The following SV2B variants were observed in gnomAD, a reference collection of about 807,000 sequenced individuals.
SV2B encodes solute carrier family 22 member B2.
In SV2B, 41 loss-of-function variants were observed where a neutral mutation model predicts 73.9. The observed-to-expected ratio is 0.56, with a 90% CI of 0.43 to 0.72. The LOEUF is 0.72. Ranked by LOEUF, SV2B falls within the 30% of genes least tolerant of loss-of-function variation. The pLI, the probability that SV2B is intolerant of heterozygous loss-of-function variation, is 0.00. For missense variants in SV2B, 764 were observed against 857.8 expected (o/e 0.89, Z 1.37); for synonymous variants, 314 against 314.2 (o/e 1.00, Z 0.01).
At position 91,130,363 on chromosome 15, in the gene SV2B, G is replaced by A. The variant is rs775033957; in HGVS notation, c.-392+30000G>A. Among the ~76,000 whole-genome samples the A allele has an allele frequency of 2.0e-5, 3 of 152,188 alleles. No homozygotes were observed. Among genetic ancestry groups the A allele is most frequent in the African/African-American group, 4.8e-5 (2 of 41,440 alleles). On this transcript the variant is annotated intron_variant, in intron 1 of 12. Transcript: ENST00000394232. The surrounding 1 kb of genome is among the most constrained non-coding windows in gnomAD (Gnocchi z 5.6). ...GGGACAAGGTCAGGGTTGGAGTTAC[G>A]TGCTTGGCTAGGGCTGAAGCATCAT... is the stretch of plus-strand genomic sequence containing the variant.
At chr15:91,204,162 C>CA (rs2045556769) in intron 1 of SV2B, among the ~76,000 whole-genome samples, 1 of 152,140 alleles carries the variant, frequency 6.6e-6, no homozygotes, top group Non-Finnish European at 1.5e-5. Flanking sequence ...GGGACTGCTC[C>CA]CTCTGACCCT....
chr15:91,209,046 C>G (rs545722353), intron 1 of SV2B, among the ~76,000 whole-genome samples: 5 of 151,612 alleles, frequency 3.3e-5, no homozygotes, highest in Admixed American at 3.3e-4. Context: ...CAGAGATAGA[C>G]TCTGTCCTCA....
intron 1 of SV2B, among the ~76,000 whole-genome samples, chr15:91,114,330 C>A: frequency 6.6e-6 from 1 of 152,052 alleles, no homozygotes; most frequent in East Asian, 1.9e-4. Context: ...ATGAGTTCAC[C>A]ACAAGGGTGA....
At position 91,136,029 on chromosome 15, in the gene SV2B, G is replaced by A. The variant is rs1213773868; in HGVS notation, c.-392+35666G>A. 6.6e-6 allele frequency among the ~76,000 whole-genome samples: 1 copy of A among 151,622 alleles called. No individual in the cohort carries two copies. The highest frequency in any genetic ancestry group is 1.5e-5 in the Non-Finnish European group (1 of 67,950). On this transcript the variant is annotated intron_variant, in intron 1 of 12. Coordinates refer to ENST00000394232, the MANE Select transcript of SV2B (RefSeq NM_001323032.3). The surrounding 1 kb of genome is among the most constrained non-coding windows in gnomAD (Gnocchi z 5.6). Reference sequence around the variant, plus strand: ...ACACACACACTTGATTTTTTTTTTGGCATGTGTAGATATGAAAATAATATA... The same window carrying A: ...ACACACACACTTGATTTTTTTTTTGACATGTGTAGATATGAAAATAATATA...
intron 9 of SV2B, among the ~76,000 whole-genome samples, chr15:91,273,494 T>A (rs902174183): frequency 6.6e-6 from 1 of 152,216 alleles, no homozygotes; most frequent in Non-Finnish European, 1.5e-5. Flanking sequence ...GGATTCCTTT[T>A]CCCCTGTCAA....
chr15:91,225,541 T>A (rs965460582), intron 1 of SV2B, among the ~76,000 whole-genome samples: 4 of 152,174 alleles, frequency 2.6e-5, no homozygotes, highest in African/African-American at 4.8e-5. Context: ...ATTTTATTTT[T>A]TTATTATTAT....
Position 91,226,719 on chromosome 15 carries a change from G to C in SV2B, c.451+5G>C. On this transcript the variant is annotated splice_donor_5th_base_variant and intron_variant, in intron 2 of 12. Coordinates refer to ENST00000394232, the MANE Select transcript of SV2B (RefSeq NM_001323032.3). ...GTTCCAAAAAAGGAATGCTAGGTAAGTGGAAATTTCCAATGATCCCTCCAA... is the reference window on the plus strand; with the variant it reads ...GTTCCAAAAAAGGAATGCTAGGTAACTGGAAATTTCCAATGATCCCTCCAA... 1 of 1,599,268 alleles carries C rather than the reference G, an allele frequency of 6.3e-7. No homozygotes were observed. The highest frequency in any genetic ancestry group is 1.1e-5 in the South Asian group (1 of 89,266).
chr15:91,225,762 C>A (rs1360093741), intron 1 of SV2B, 111 bp from the exon 2 acceptor site: 1 of 157,494 alleles, frequency 6.3e-6, no homozygotes, highest in Non-Finnish European at 1.4e-5. Flanking sequence ...ATTTCTCCCA[C>A]CTTACACATG....
In SV2B at chr15:91,129,583, C is replaced by A. The variant is rs959518008; in HGVS notation, c.-392+29220C>A. Among the ~76,000 whole-genome samples the A allele has an allele frequency of 6.6e-6, 1 of 152,198 alleles. No homozygotes were observed. Among genetic ancestry groups the A allele is most frequent in the Non-Finnish European group, 1.5e-5 (1 of 68,042 alleles). ...GGTCACATGTGCCCAGCACAGCACA[C>A]TGGGCACAGACTAGGACTGCATCTG... On this transcript the variant is annotated intron_variant, in intron 1 of 12. Coordinates refer to ENST00000394232, the MANE Select transcript of SV2B (RefSeq NM_001323032.3). The surrounding 1 kb of genome is among the most constrained non-coding windows in gnomAD (Gnocchi z 5.1).
At position 91,136,756 on chromosome 15, in the gene SV2B, G is replaced by A. The variant is rs973563990; in HGVS notation, c.-392+36393G>A. ...AGGGAGGAGGGGGTGGTGACAGCCG[G>A]GTTGACCAGCTCTCCTGCTGTGCCA... is the stretch of plus-strand genomic sequence containing the variant. On this transcript the variant is annotated intron_variant, in intron 1 of 12. Transcript: ENST00000394232. The surrounding 1 kb of genome is among the most constrained non-coding windows in gnomAD (Gnocchi z 5.6). 6.6e-6 allele frequency among the ~76,000 whole-genome samples: 1 copy of A among 152,106 alleles called. No individual in the cohort carries two copies. The highest frequency in any genetic ancestry group is 1.5e-5 in the Non-Finnish European group (1 of 68,012).
Position 91,220,949 on chromosome 15 carries a change from C to T in SV2B, c.-391-4924C>T, listed in dbSNP as rs1466449765. On this transcript the variant is annotated intron_variant, in intron 1 of 12. Transcript: ENST00000394232. The surrounding 1 kb of genome is among the most constrained non-coding windows in gnomAD (Gnocchi z 4.1). ...CATGATCTTGGCTCACTGCAACCTC[C>T]GCCTCCTGGGATCAAGTGATCTTCC... 2.0e-5 allele frequency among the ~76,000 whole-genome samples: 3 copies of T among 152,054 alleles called. No individual in the cohort carries two copies. Among genetic ancestry groups the T allele is most frequent in the African/African-American group, 7.3e-5 (3 of 41,378 alleles).
intron 1 of SV2B, among the ~76,000 whole-genome samples, chr15:91,127,609 G>C (rs2042524264): frequency 6.6e-6 from 1 of 152,106 alleles, no homozygotes; most frequent in Admixed American, 6.5e-5. Context: ...AGAAAGAAAA[G>C]AAATACTCCA....
rs1015702935 is a variant in SV2B, at chr15:91,295,251, G to T, written c.*2699G>T. 6.6e-6 allele frequency: 1 copy of T among 152,048 alleles called. No individual in the cohort carries two copies. Among genetic ancestry groups the T allele is most frequent in the Non-Finnish European group, 1.5e-5 (1 of 67,988 alleles). The allele number at this position is 152,048 out of a possible 1,614,324, so 9.4% of individuals were successfully genotyped here. A position where few individuals can be genotyped will look rare whatever the true frequency, so the allele number is the denominator to read the frequency against. On this transcript the variant is annotated 3_prime_UTR_variant, in exon 13 of 13. Transcript: ENST00000394232. ...GTGTCATCTCCTGATGCTGATTTTT[G>T]ATCTTTTGTTTTATTAAAAATAATT...
In SV2B at chr15:91,234,838, T is replaced by C. The variant is rs529625986; in HGVS notation, c.451+8124T>C. Among the ~76,000 whole-genome samples, 18 of 152,252 alleles carry C rather than the reference T, an allele frequency of 1.2e-4. No homozygotes were observed. Among genetic ancestry groups the C allele is most frequent in the East Asian group, 1.9e-4 (1 of 5,188 alleles). On this transcript the variant is annotated intron_variant, in intron 2 of 12. Transcript: ENST00000394232. This position sits in a 1 kb window ranked among gnomAD's most constrained non-coding sequence, Gnocchi z 5.6. ...TGGGCTTTTACTAGGTGACTGTGCATTGGGGAAAGGAAAATAGTCAGACCT... is the reference window on the plus strand; with the variant it reads ...TGGGCTTTTACTAGGTGACTGTGCACTGGGGAAAGGAAAATAGTCAGACCT...
At chr15:91,183,186 C>A (rs1300033859) in intron 1 of SV2B, among the ~76,000 whole-genome samples, 1 of 152,120 alleles carries the variant, frequency 6.6e-6, no homozygotes, top group Non-Finnish European at 1.5e-5. Flanking sequence ...GAGTTGAGAG[C>A]TGAAGGATGA....
intron 12 of SV2B, among the ~76,000 whole-genome samples, chr15:91,292,147 A>T (rs1361879392): frequency 6.6e-6 from 1 of 152,224 alleles, no homozygotes; most frequent in Non-Finnish European, 1.5e-5. Flanking sequence ...TCAAAATGTT[A>T]ATAGAGGTGA....
intron 1 of SV2B, among the ~76,000 whole-genome samples, chr15:91,201,862 T>G (rs1218704218): frequency 6.6e-6 from 1 of 152,158 alleles, no homozygotes; most frequent in Non-Finnish European, 1.5e-5. Context: ...GAGACTCCTA[T>G]TTGGGCTCCC....
At chr15:91,194,178 A>G (rs1412113595) in intron 1 of SV2B, among the ~76,000 whole-genome samples, 1 of 151,866 alleles carries the variant, frequency 6.6e-6, no homozygotes, top group Non-Finnish European at 1.5e-5. Flanking sequence ...TCAGCTGAGC[A>G]GAAAGAGTAG....
At chr15:91,158,723 C>CCTCTCCTCTCCTCTCCTCTT (rs796783494) in intron 1 of SV2B, among the ~76,000 whole-genome samples, 1,915 of 57,388 alleles carry the variant, frequency 0.033, 353 homozygotes, top group Non-Finnish European at 0.045. Flanking sequence ...CCTCTCCTCT[C>CCTCTCCTCTCCTCTCCTCTT]CTCTCTTCTC....
Sources: allele counts gnomAD v4.1 joint callset (sites outside exome capture counted in the v4.1 genomes callset), GRCh38; gene constraint gnomAD v4.1.1; non-coding constraint Gnocchi (gnomAD v3.1); transcripts MANE v1.5; gene names NCBI Gene and HGNC (gene_info 2026-07-23, HGNC 2026-07-21).